UCKL1: variants seen among roughly 807,000 people sequenced by gnomAD.
UCKL1 encodes the protein uridine-cytidine kinase-like 1.
UCKL1 carries 65 observed loss-of-function variants against 59.2 expected under a neutral mutation model. The ratio of observed to expected loss-of-function variants is 1.10; its 90% CI spans 0.90 to 1.35. The LOEUF is 1.35. Among genes scored for constraint, UCKL1 ranks in the 40% most tolerant of loss-of-function variants. The probability of loss-of-function intolerance (pLI) is 0.00; values close to 1 mark genes in which losing one functional copy is unlikely to be tolerated. For missense variants in UCKL1, 703 were observed against 784.3 expected (o/e 0.90, Z 1.24); for synonymous variants, 410 against 323.1 (o/e 1.27, Z -2.88).
Position 63,944,876 on chromosome 20 carries a change from A to G in UCKL1, c.655-142T>C, listed in dbSNP as rs2055721194. ...CAGGGCACCCTGGCAGGTGGGGAGG[A>G]GTGGGGAGGTGGGGGTGTCTGCACC... On this transcript the variant is annotated intron_variant, in intron 5 of 14. Transcript: ENST00000354216. The G allele has an allele frequency of 3.8e-6, 4 of 1,048,806 alleles. No individual in the cohort carries two copies. In the African/African-American group the frequency reaches 4.9e-5, roughly 13 times the overall value. 65.0% of individuals were successfully genotyped at this position (1,048,806 alleles called of 1,614,324 possible).
intron 1 of UCKL1, among the ~76,000 whole-genome samples, chr20:63,946,855 A>G (rs950013816): frequency 3.3e-5 from 5 of 152,016 alleles, no homozygotes; most frequent in Non-Finnish European, 5.9e-5. Flanking sequence ...AGGCAGGTGG[A>G]TCATTTGAGG....
intron 1 of UCKL1, 103 bp downstream of exon 1, chr20:63,956,157 G>C (rs2058631561): frequency 9.0e-7 from 1 of 1,115,904 alleles, no homozygotes; most frequent in Non-Finnish European, 1.2e-6. Flanking sequence ...CTCCGGGAGT[G>C]GGGGACTTGG....
chr20:63,950,725 C>A lies in UCKL1; in HGVS notation c.114-4082G>T, dbSNP rs773375187. The A allele has an allele frequency of 2.1e-5, 31 of 1,485,970 alleles. 1 individual carries two copies. The South Asian group carries it at 3.9e-4, about 19-fold the overall frequency. The allele number at this position is 1,485,970 out of a possible 1,614,324, so 92.0% of individuals were successfully genotyped here. ...GCCAGGACCACAGCACAAGTGGGTG[C>A]CCCTCACGGCAGAGACCTCCAGTCG... On this transcript the variant is annotated intron_variant, in intron 1 of 14. Transcript: ENST00000354216.
At position 63,956,382 on chromosome 20, in the gene UCKL1, AGGCCTCTTT is replaced by A; in HGVS notation, c.-19_-11del. 2.0e-6 allele frequency: 3 copies of A among 1,479,684 alleles called. No individual in the cohort carries two copies. The highest frequency in any genetic ancestry group is 2.7e-6 in the Non-Finnish European group (3 of 1,117,434). 91.7% of individuals were successfully genotyped at this position (1,479,684 alleles called of 1,614,324 possible). On this transcript the variant is annotated 5_prime_UTR_variant, in exon 1 of 15. Transcript: ENST00000354216. The stretch of plus-strand genomic sequence containing the variant: ...CCGGGGGCGCAGCCATGGCGCTCGG[AGGCCTCTTT>A]GCGGGCCTGGCCGGGCGGCGCGCAT...
chr20:63,951,476 A>C (rs1484047004), intron 1 of UCKL1, among the ~76,000 whole-genome samples: 1 of 152,150 alleles, frequency 6.6e-6, no homozygotes, highest in Non-Finnish European at 1.5e-5. Flanking sequence ...AGGTGTCCTG[A>C]ACGTCAGTGC....
chr20:63,945,616 TA>T (rs1236594458), intron 5 of UCKL1, 34 bp downstream of exon 5: 4 of 1,608,910 alleles, frequency 2.5e-6, no homozygotes, highest in Non-Finnish European at 3.4e-6. Context: ...AGGGCTGAGA[TA>T]CCAGCGGGGT....
rs1472244604 is a variant in UCKL1 at position 63,940,140 on chromosome 20, G to A, written c.1567+10C>T. ...CCTCATGTGCGGCTGAAGGGCCCGG[G>A]CAGCCTCACCAATGCCTGGGATGAT... On this transcript the variant is annotated intron_variant, in intron 14 of 14. Transcript: ENST00000354216. The A allele has an allele frequency of 6.2e-7, 1 of 1,612,518 alleles. No homozygotes were observed. The highest frequency in any genetic ancestry group is 1.1e-5 in the South Asian group (1 of 91,080).
Position 63,940,320 on chromosome 20 carries a change from T to C in UCKL1, c.1411-14A>G. ...CACGTCGTGGTCCTACCGAGTGTAT[T>C]GGGCAGGTAAATCCCACCTCTGCCT... On this transcript the variant is annotated splice_polypyrimidine_tract_variant and intron_variant, in intron 13 of 14. Coordinates refer to ENST00000354216, the MANE Select transcript of UCKL1 (RefSeq NM_017859.4). 2 of 1,612,402 alleles carry C rather than the reference T, an allele frequency of 1.2e-6. No individual in the cohort carries two copies. The highest frequency in any genetic ancestry group is 1.7e-6 in the Non-Finnish European group (2 of 1,179,768).
Position 63,941,058 on chromosome 20 carries a change from G to A in UCKL1, c.1023-15C>T, listed in dbSNP as rs747562909. 1.9e-6 allele frequency: 3 copies of A among 1,595,900 alleles called. No individual in the cohort carries two copies. The South Asian group carries it at 3.4e-5, about 18-fold the overall frequency. On this transcript the variant is annotated splice_polypyrimidine_tract_variant and intron_variant, in intron 9 of 14. Transcript: ENST00000354216. ...TCTCCTTGTCCCTGTGGGGCCAACA[G>A]TTGAGCGGGAGCACGCGCCCGGGGC...
intron 1 of UCKL1, chr20:63,955,940 G>C (rs562900916): frequency 4.2e-6 from 1 of 238,814 alleles, no homozygotes; most frequent in Non-Finnish European, 8.3e-6. Flanking sequence ...TCGCACAGTC[G>C]AGCAGGCACA....
rs539356029 is a variant in UCKL1, at chr20:63,941,187, G to A, written c.945C>T (p.His315=). ...LSVRAALASA[H]QCHPLPRTLS... ...GCGTCCGGGGCAGCGGGTGGCACTG[G>A]TGTGCCGAGGCCAGCGCAGCCCTGG... The change falls in exon 9 of 15, where the codon CAC becomes CAT. Residue 315 remains histidine, a synonymous_variant. Coordinates refer to ENST00000354216, the MANE Select transcript of UCKL1 (RefSeq NM_017859.4). 39 of 1,557,564 alleles carry A rather than the reference G, an allele frequency of 2.5e-5. No individual in the cohort carries two copies. The East Asian group carries it at 8.0e-4, about 32-fold the overall frequency.
At chr20:63,946,420 C>T (rs755152649) in intron 2 of UCKL1, 33 bp downstream of exon 2, 35 of 1,516,906 alleles carry the variant, frequency 2.3e-5, no homozygotes, top group Admixed American at 8.3e-5. Context: ...GGCAGGCGTC[C>T]GGCAGCAGGT....
rs753398290 is a variant in UCKL1, at chr20:63,944,647, C to G, written c.742G>C (p.Asp248His). The G allele has an allele frequency of 1.2e-6, 2 of 1,612,808 alleles. No individual in the cohort carries two copies. Among genetic ancestry groups the G allele is most frequent in the African/African-American group, 2.7e-5 (2 of 74,946 alleles). ...LRRDISERGR[D>H]IEGVIKQYNK... ...TACTGCTTGATGACACCCTCGATGT[C>G]CCGGCCGCGCTCACTGATGTCCCGG... The change falls in exon 6 of 15, where the codon GAC becomes CAC. Residue 248 changes from aspartate to histidine, a missense_variant. Coordinates refer to ENST00000354216, the MANE Select transcript of UCKL1 (RefSeq NM_017859.4).
At chr20:63,949,054 A>C (rs898948222) in intron 1 of UCKL1, among the ~76,000 whole-genome samples, 6 of 152,096 alleles carry the variant, frequency 3.9e-5, no homozygotes, top group African/African-American at 1.4e-4. Flanking sequence ...TAAAGCAGCA[A>C]AGAGACCCGC....
chr20:63,947,282 G>T (rs2056496963), intron 1 of UCKL1, among the ~76,000 whole-genome samples: 1 of 152,240 alleles, frequency 6.6e-6, no homozygotes, highest in African/African-American at 2.4e-5. Flanking sequence ...GGCTGGGCCA[G>T]GCTCTGTCCC....
At chr20:63,942,493 C>A (rs1359678167) in intron 8 of UCKL1, 13 of 1,175,322 alleles carry the variant, frequency 1.1e-5, no homozygotes, top group African/African-American at 1.6e-5. Context: ...GCTTCCTCTG[C>A]TTGCCAGGTG....
At chr20:63,941,285 C>A in intron 8 of UCKL1, 77 bp from the exon 9 acceptor site, 1 of 1,451,214 alleles carries the variant, frequency 6.9e-7, no homozygotes, top group Non-Finnish European at 9.1e-7. Flanking sequence ...GACGGCTGTG[C>A]GTCACTGTGA....
chr20:63,942,432 G>A, intron 8 of UCKL1: 1 of 1,172,658 alleles, frequency 8.5e-7, no homozygotes, highest in South Asian at 1.6e-5. Context: ...CTACGGGAAG[G>A]CGGGTCACAC....
At chr20:63,947,876 C>T (rs993467503) in intron 1 of UCKL1, among the ~76,000 whole-genome samples, 5 of 152,228 alleles carry the variant, frequency 3.3e-5, no homozygotes, top group African/African-American at 7.2e-5. Flanking sequence ...GGCACTCAGG[C>T]GCCTGCCAAC....
Sources: gnomAD v4.1 joint callset for allele counts (sites outside exome capture counted in the v4.1 genomes callset) on GRCh38, gnomAD v4.1.1 for gene constraint, MANE v1.5 for transcripts, NCBI Gene and HGNC (gene_info 2026-07-23, HGNC 2026-07-21) for gene names.